The following RGS22 variants were observed in gnomAD, a reference collection of about 807,000 sequenced individuals.
RGS22 encodes the protein regulator of G-protein signaling 22.
A neutral mutation model predicts 172.9 loss-of-function variants in RGS22; 148 were observed. The ratio of observed to expected loss-of-function variants is 0.86; its 90% CI spans 0.75 to 0.98. The LOEUF (loss-of-function observed/expected upper bound fraction) is 0.98, where lower values mean the gene tolerates loss of function less well. Among genes scored for constraint, RGS22 ranks in the 50% least tolerant of loss-of-function variants. RGS22 has a pLI of 0.00. For missense variants in RGS22, 1,347 were observed against 1,440.8 expected (o/e 0.93, Z 1.05); for synonymous variants, 458 against 480.2 (o/e 0.95, Z 0.60).
At chr8:100,030,017 A>T (rs186597678) in intron 14 of RGS22, among the ~76,000 whole-genome samples, 3 of 152,356 alleles carry the variant, frequency 2.0e-5, no homozygotes, top group African/African-American at 7.2e-5. Context: ...AATCTAAAAC[A>T]TACAACACAG....
intron 24 of RGS22, among the ~76,000 whole-genome samples, chr8:99,964,494 A>T (rs1563549806): frequency 1.3e-5 from 2 of 151,574 alleles, no homozygotes. Flanking sequence ...AAAAAAAAAA[A>T]AAAAAGCAGC....
rs141529044 is a variant in RGS22 at position 100,007,130 on chromosome 8, A to G, written c.2362-1021T>C. 4.6e-5 allele frequency among the ~76,000 whole-genome samples: 7 copies of G among 152,324 alleles called. No homozygotes were observed. The East Asian group carries it at 9.6e-4, about 21-fold the overall frequency. On this transcript the variant is annotated intron_variant, in intron 15 of 27. Transcript: ENST00000360863. Reference sequence around the variant, plus strand: ...TTTTGGTCATTGAACTTAGTAAATCATAATAGTTGTTTCAGTCACGATCCA... The same window carrying G: ...TTTTGGTCATTGAACTTAGTAAATCGTAATAGTTGTTTCAGTCACGATCCA...
intron 4 of RGS22, among the ~76,000 whole-genome samples, chr8:100,074,618 G>A (rs1396971980): frequency 6.6e-6 from 1 of 152,092 alleles, no homozygotes; most frequent in Non-Finnish European, 1.5e-5. Context: ...TTGTTGCTGA[G>A]TAATATTCCA....
At chr8:100,073,300 T>C (rs546721216) in intron 4 of RGS22, among the ~76,000 whole-genome samples, 3 of 152,194 alleles carry the variant, frequency 2.0e-5, no homozygotes, top group Non-Finnish European at 4.4e-5. Flanking sequence ...ATACAGAGTG[T>C]TGCCGACATC....
At chr8:100,025,782 C>T (rs545004438) in intron 14 of RGS22, among the ~76,000 whole-genome samples, 4 of 152,006 alleles carry the variant, frequency 2.6e-5, no homozygotes, top group Non-Finnish European at 5.9e-5. Context: ...TTTGTGATTA[C>T]ACCCAAGGTC....
At chr8:100,066,092 G>T in intron 7 of RGS22, 75 bp downstream of exon 7, 1 of 1,440,076 alleles carries the variant, frequency 6.9e-7, no homozygotes, top group Non-Finnish European at 9.6e-7. Context: ...ACTAAGTACT[G>T]TACTGTAAAA....
intron 9 of RGS22, among the ~76,000 whole-genome samples, chr8:100,053,652 T>G (rs1356323632): frequency 6.6e-6 from 1 of 152,208 alleles, no homozygotes; most frequent in Non-Finnish European, 1.5e-5. Flanking sequence ...ACTTTTTTTT[T>G]TGACACGGAG....
At chr8:100,046,187 A>C (rs1201514982) in intron 11 of RGS22, 1 of 152,206 alleles carries the variant, frequency 6.6e-6, no homozygotes. Context: ...TTTAAGAATA[A>C]AACAATTTCA....
rs1245783464 is a variant in RGS22, at chr8:100,060,421, T to TATATATATATATATATAC, written c.1514+2169_1514+2170insGTATATATATATATATAT. 7.0e-3 allele frequency among the ~76,000 whole-genome samples: 833 copies of TATATATATATATATATAC among 119,288 alleles called. 12 individuals carry two copies. Among genetic ancestry groups the TATATATATATATATATAC allele is most frequent in the African/African-American group, 0.017 (583 of 34,440 alleles). 78.3% of individuals were successfully genotyped at this position (119,288 alleles called of 152,430 possible). On this transcript the variant is annotated intron_variant, in intron 9 of 27. Transcript: ENST00000360863. ...CTACGTGTATATATATATATATATA[T>TATATATATATATATATAC]ACACACACACACACACACACGCACC... is the stretch of plus-strand genomic sequence containing the variant.
chr8:100,008,703 G>A (rs1264904831), intron 14 of RGS22, 134 bp from the exon 15 acceptor site: 1 of 616,746 alleles, frequency 1.6e-6, no homozygotes, highest in African/African-American at 1.9e-5. Context: ...TGAAAATATG[G>A]GTAAAACTAC....
At chr8:100,044,350 T>C (rs932614492) in intron 11 of RGS22, among the ~76,000 whole-genome samples, 5 of 152,162 alleles carry the variant, frequency 3.3e-5, no homozygotes, top group African/African-American at 4.8e-5. Flanking sequence ...GGGTTAAAGG[T>C]ATTCTCCTGC....
intron 14 of RGS22, among the ~76,000 whole-genome samples, chr8:100,012,247 T>C (rs1410167208): frequency 6.6e-6 from 1 of 151,944 alleles, no homozygotes; most frequent in Non-Finnish European, 1.5e-5. Flanking sequence ...ATTTGCAGGG[T>C]AGAGTATCAA....
rs1402751783 is a variant in RGS22 at position 100,004,049 on chromosome 8, G to C, written c.2504C>G (p.Ser835Cys). ...GTGILSLSNV[S>C]KRTEYWDNVP... ...ATTATCCCAATATTCTGTTCGTTTA[G>C]AGACGTTAGAGAGTGATAAAATGCC... Residue 835 changes from serine to cysteine, a missense_variant, in exon 17 of 28, where the codon TCT becomes TGT. Physicochemically the swap from Ser to Cys is moderately radical, Grantham distance 112. Coordinates refer to ENST00000360863, the MANE Select transcript of RGS22 (RefSeq NM_015668.5). The C allele has an allele frequency of 1.9e-6, 3 of 1,611,006 alleles. No homozygotes were observed. The East Asian group carries it at 6.7e-5, about 36-fold the overall frequency.
intron 11 of RGS22, among the ~76,000 whole-genome samples, chr8:100,046,852 G>A (rs1820777955): frequency 1.3e-5 from 2 of 151,540 alleles, no homozygotes; most frequent in African/African-American, 4.9e-5. Context: ...GCCTCACTCT[G>A]TCGCCCAGGC....
chr8:100,026,986 T>C (rs917774868), intron 14 of RGS22, among the ~76,000 whole-genome samples: 1 of 152,100 alleles, frequency 6.6e-6, no homozygotes, highest in Non-Finnish European at 1.5e-5. Context: ...TCCCAACACT[T>C]TGGGAGGCTG....
chr8:100,064,975 A>T (rs1209931496), intron 7 of RGS22, among the ~76,000 whole-genome samples: 2 of 152,194 alleles, frequency 1.3e-5, no homozygotes, highest in African/African-American at 4.8e-5. Flanking sequence ...TTTTCTAAAG[A>T]TATAGTATTC....
intron 20 of RGS22, among the ~76,000 whole-genome samples, chr8:99,990,539 A>G (rs1400991303): frequency 6.6e-6 from 1 of 152,196 alleles, no homozygotes; most frequent in African/African-American, 2.4e-5. Context: ...GGGCTCTTGA[A>G]GAGATGTATC....
chr8:100,071,641 C>T, intron 5 of RGS22, 104 bp from the exon 6 acceptor site: 4 of 733,732 alleles, frequency 5.5e-6, no homozygotes, highest in South Asian at 2.8e-5. Context: ...CCTCTCCTCA[C>T]TCTTGATGAT....
intron 6 of RGS22, among the ~76,000 whole-genome samples, chr8:100,069,889 G>A (rs1174825194): frequency 1.3e-5 from 2 of 151,880 alleles, no homozygotes; most frequent in Admixed American, 6.6e-5. Flanking sequence ...TTAGCCAGGC[G>A]TGGTGGCACG....
Sources: gnomAD v4.1 joint callset for allele counts (sites outside exome capture counted in the v4.1 genomes callset) on GRCh38, gnomAD v4.1.1 for gene constraint, MANE v1.5 for transcripts, NCBI Gene and HGNC (gene_info 2026-07-23, HGNC 2026-07-21) for gene names.